The following USH2A variants were observed in gnomAD, a reference collection of about 807,000 sequenced individuals.
USH2A encodes Usher syndrome 2A (autosomal recessive, mild).
A neutral mutation model predicts 538.9 loss-of-function variants in USH2A; 443 were observed. The observed-to-expected ratio is 0.82, with a 90% confidence interval of 0.76 to 0.89. The LOEUF (loss-of-function observed/expected upper bound fraction) is 0.89. Among genes scored for constraint, USH2A ranks in the 40% least tolerant of loss-of-function variants. The pLI is 0.00. For missense variants in USH2A, 6,633 were observed against 6,324.8 expected, an observed-to-expected ratio of 1.05 and a Z score of -1.65; for synonymous variants, 2,413 against 2,273.5, an observed-to-expected ratio of 1.06 and a Z score of -1.75.
intron 32 of USH2A, 55 bp downstream of exon 32, chr1:216,046,376 T>C (rs546502453): frequency 2.6e-5 from 41 of 1,605,570 alleles, no homozygotes; most frequent in East Asian, 6.7e-5. Flanking sequence ...ACTATATGTA[T>C]GTTTATATTT....
At chr1:216,329,531 G>T (rs187368172) in intron 4 of USH2A, among the ~76,000 whole-genome samples, 27 of 152,194 alleles carry the variant, frequency 1.8e-4, no homozygotes, top group African/African-American at 6.5e-4. Flanking sequence ...CAAGGAAGCT[G>T]GGCCTGTGTC....
At chr1:216,310,424 T>A (rs1049061248) in intron 9 of USH2A, among the ~76,000 whole-genome samples, 1 of 152,134 alleles carries the variant, frequency 6.6e-6, no homozygotes, top group African/African-American at 2.4e-5. Flanking sequence ...TTGAATAAGA[T>A]TTCTAATCCT....
At chr1:215,677,124 A>G (rs1195727751) in intron 62 of USH2A, among the ~76,000 whole-genome samples, 1 of 152,166 alleles carries the variant, frequency 6.6e-6, no homozygotes, top group Non-Finnish European at 1.5e-5. Context: ...GTTAGAGAAG[A>G]ATGCCTCCAT....
intron 11 of USH2A, among the ~76,000 whole-genome samples, chr1:216,274,595 A>G (rs2036635524): frequency 6.6e-6 from 1 of 152,164 alleles, no homozygotes; most frequent in South Asian, 2.1e-4. Flanking sequence ...AAAAATAAAT[A>G]AATGAATCTG....
At chr1:216,123,565 C>A (rs1241462482) in intron 21 of USH2A, among the ~76,000 whole-genome samples, 1 of 141,602 alleles carries the variant, frequency 7.1e-6, no homozygotes, top group African/African-American at 2.5e-5. Context: ...AGATGTATTG[C>A]TCATAAGCTT....
chr1:216,369,754 A>AT (rs2038665655), intron 3 of USH2A, among the ~76,000 whole-genome samples: 1 of 150,632 alleles, frequency 6.6e-6, no homozygotes, highest in African/African-American at 2.4e-5. Flanking sequence ...GTACTTAAAA[A>AT]ATATATATAT....
chr1:215,696,628 T>C (rs1658820805), intron 61 of USH2A, among the ~76,000 whole-genome samples: 1 of 152,230 alleles, frequency 6.6e-6, no homozygotes, highest in Non-Finnish European at 1.5e-5. Flanking sequence ...TTGTTGGCTA[T>C]GCAATGGGTT....
At chr1:216,146,198 C>G (rs566480427) in intron 21 of USH2A, among the ~76,000 whole-genome samples, 145 of 152,326 alleles carry the variant, frequency 9.5e-4, no homozygotes, top group African/African-American at 3.4e-3. Context: ...ATTTCAAATC[C>G]GGTAAGCGGC....
At chr1:216,073,991 G>A (rs2031661883) in intron 27 of USH2A, among the ~76,000 whole-genome samples, 1 of 152,200 alleles carries the variant, frequency 6.6e-6, no homozygotes, top group Non-Finnish European at 1.5e-5. Flanking sequence ...TAGCATGACA[G>A]GGGCCAGCCT....
At chr1:216,210,137 A>G (rs2102485369) in intron 15 of USH2A, among the ~76,000 whole-genome samples, 1 of 152,164 alleles carries the variant, frequency 6.6e-6, no homozygotes, top group East Asian at 1.9e-4. Flanking sequence ...TTCCCCACTC[A>G]GTCGATTAGT....
chr1:215,803,064 C>T (rs4387155), intron 49 of USH2A, among the ~76,000 whole-genome samples: 57,816 of 151,970 alleles, frequency 0.38, 13,089 homozygotes, highest in Admixed American at 0.54. Context: ...CAGAAAAGGC[C>T]TTTGACAAAA....
At chr1:216,388,988 T>G (rs2039053557) in intron 3 of USH2A, among the ~76,000 whole-genome samples, 1 of 152,170 alleles carries the variant, frequency 6.6e-6, no homozygotes, top group Non-Finnish European at 1.5e-5. Context: ...ATGATGGCAG[T>G]ATAAGAATAA....
intron 37 of USH2A, among the ~76,000 whole-genome samples, chr1:215,935,351 T>C (rs1666467156): frequency 6.6e-6 from 1 of 152,046 alleles, no homozygotes; most frequent in South Asian, 2.1e-4. Flanking sequence ...TTCTATCTAA[T>C]GCCCTTTTAA....
intron 61 of USH2A, among the ~76,000 whole-genome samples, chr1:215,696,573 T>C (rs1288386008): frequency 6.6e-6 from 1 of 152,232 alleles, no homozygotes; most frequent in Admixed American, 6.5e-5. Context: ...CATAACCATC[T>C]GACTACTGTC....
intron 21 of USH2A, among the ~76,000 whole-genome samples, chr1:216,131,642 C>T (rs563731543): frequency 1.3e-5 from 2 of 152,114 alleles, no homozygotes; most frequent in Non-Finnish European, 2.9e-5. Context: ...AATCTATTTG[C>T]TATTTCTAAA....
At chr1:216,249,072 T>C (rs1461567699) in intron 12 of USH2A, among the ~76,000 whole-genome samples, 1 of 152,066 alleles carries the variant, frequency 6.6e-6, no homozygotes, top group Non-Finnish European at 1.5e-5. Flanking sequence ...TTTCTGGGCT[T>C]CTTTTTTTTT....
chr1:216,333,725 C>T (rs1212624771), intron 4 of USH2A, among the ~76,000 whole-genome samples: 1 of 151,996 alleles, frequency 6.6e-6, no homozygotes, highest in Non-Finnish European at 1.5e-5. Flanking sequence ...TGAGAAAAGG[C>T]CATCTCCTAC....
intron 61 of USH2A, among the ~76,000 whole-genome samples, chr1:215,693,090 A>ATGTG (rs759484242): frequency 3.9e-3 from 207 of 52,662 alleles, no homozygotes; most frequent in East Asian, 0.029. Flanking sequence ...ATATATATAT[A>ATGTG]TATGTGTGTG....
At chr1:216,098,978 G>GTA (rs1464028309) in intron 21 of USH2A, among the ~76,000 whole-genome samples, 1 of 152,142 alleles carries the variant, frequency 6.6e-6, no homozygotes, top group Admixed American at 6.5e-5. Context: ...GACCACATCT[G>GTA]TACAATCTGG....
Sources: allele counts gnomAD v4.1 joint callset (sites outside exome capture counted in the v4.1 genomes callset), GRCh38; gene constraint gnomAD v4.1.1; transcripts MANE v1.5; gene names NCBI Gene and HGNC (gene_info 2026-07-23, HGNC 2026-07-21).